The following GRIP1 variants were observed in gnomAD, a reference collection of about 807,000 sequenced individuals.
GRIP1 encodes the protein glutamate receptor-interacting protein 1.
In GRIP1, 45 loss-of-function variants were observed where a neutral mutation model predicts 129.9. That is an observed-to-expected ratio of 0.35 (90% CI 0.27 to 0.44). The LOEUF (loss-of-function observed/expected upper bound fraction) is 0.44. GRIP1 is among the 20% of genes least tolerant of loss of function. GRIP1 has a pLI of 1.00. For synonymous variants in GRIP1, 530 were observed against 520.8 expected (o/e 1.02, Z -0.24); for missense variants, 1,196 against 1,396.8 (o/e 0.86, Z 2.29).
At chr12:66,964,209 AT>A (rs1275962777) in intron 1 of GRIP1, among the ~76,000 whole-genome samples, 1 of 152,096 alleles carries the variant, frequency 6.6e-6, no homozygotes, top group Non-Finnish European at 1.5e-5. Context: ...TTATTCAGCA[AT>A]TTTTTTGTTG....
intron 1 of GRIP1, among the ~76,000 whole-genome samples, chr12:66,907,268 G>A (rs2040949631): frequency 6.6e-6 from 1 of 152,058 alleles, no homozygotes; most frequent in African/African-American, 2.4e-5. Context: ...ACTGGGTCGG[G>A]GAAAATAAAG....
rs529682449 is a variant in GRIP1, at chr12:66,799,104, C to T, written c.-420+4949G>A. 2.2e-4 allele frequency among the ~76,000 whole-genome samples: 34 copies of T among 152,224 alleles called. No homozygotes were observed. The South Asian group carries it at 6.8e-3, about 31-fold the overall frequency. Reference sequence around the variant, plus strand: ...TTGATTAACTTGTTTGTATATGTTACTTTATCTAAAAATATACTCAGGTTG... The same window carrying T: ...TTGATTAACTTGTTTGTATATGTTATTTTATCTAAAAATATACTCAGGTTG... On this transcript the variant is annotated intron_variant, in intron 1 of 4. Transcript: ENST00000538373.
At chr12:66,711,030 G>A (rs1245773106) in intron 1 of GRIP1, among the ~76,000 whole-genome samples, 1 of 151,776 alleles carries the variant, frequency 6.6e-6, no homozygotes, top group Non-Finnish European at 1.5e-5. Flanking sequence ...ACTTCATAGA[G>A]AGTATCTTTT....
chr12:66,404,319 C>T (rs1184804519), intron 16 of GRIP1, among the ~76,000 whole-genome samples: 4 of 152,188 alleles, frequency 2.6e-5, no homozygotes, highest in Non-Finnish European at 5.9e-5. Flanking sequence ...ACCGTGAACT[C>T]TAGATCTAGA....
intron 1 of GRIP1, among the ~76,000 whole-genome samples, chr12:66,981,059 T>C (rs777940602): frequency 1.3e-5 from 2 of 152,226 alleles, no homozygotes; most frequent in South Asian, 2.1e-4. Context: ...TCTATTCCAA[T>C]TGAATTATAG....
intron 2 of GRIP1, among the ~76,000 whole-genome samples, chr12:66,577,439 C>T (rs6581704): frequency 0.88 from 133,438 of 152,236 alleles, 58,620 homozygotes; most frequent in East Asian, 0.96. Context: ...ATGTGATGCA[C>T]GCACATATTT....
chr12:66,628,312 T>A (rs1174137238), intron 1 of GRIP1, among the ~76,000 whole-genome samples: 2 of 152,180 alleles, frequency 1.3e-5, no homozygotes, highest in African/African-American at 2.4e-5. Context: ...TCAATAAAAA[T>A]TCCTTGAGTT....
chr12:66,718,958 A>G (rs1375911750), intron 1 of GRIP1, among the ~76,000 whole-genome samples: 2 of 152,140 alleles, frequency 1.3e-5, no homozygotes, highest in Non-Finnish European at 2.9e-5. Context: ...TTTCTCATAG[A>G]GCACCTTTGA....
chr12:66,366,463 T>C (rs1229548089), intron 23 of GRIP1, among the ~76,000 whole-genome samples: 1 of 152,116 alleles, frequency 6.6e-6, no homozygotes, highest in Admixed American at 6.6e-5. Context: ...GAAAAGGCGA[T>C]GGTAGCAAAA....
intron 7 of GRIP1, among the ~76,000 whole-genome samples, chr12:66,483,778 C>A (rs1340796297): frequency 6.6e-6 from 1 of 152,164 alleles, no homozygotes; most frequent in Admixed American, 6.5e-5. Context: ...ACACCAAGAC[C>A]CAGAAATAGA....
chr12:66,458,536 C>A (rs147601384), intron 9 of GRIP1, among the ~76,000 whole-genome samples: 1 of 152,144 alleles, frequency 6.6e-6, no homozygotes, highest in Non-Finnish European at 1.5e-5. Context: ...AGGTGCCCAC[C>A]ACCACGCCCA....
chr12:67,002,195 C>T, intron 1 of GRIP1, among the ~76,000 whole-genome samples: 1 of 152,170 alleles, frequency 6.6e-6, no homozygotes, highest in Admixed American at 6.6e-5. Flanking sequence ...ATAGATGCAA[C>T]TAATTTTTAT....
chr12:66,510,447 C>A (rs2060664539), intron 7 of GRIP1, among the ~76,000 whole-genome samples: 1 of 152,162 alleles, frequency 6.6e-6, no homozygotes, highest in Non-Finnish European at 1.5e-5. Flanking sequence ...ATCTTCTGCT[C>A]TGACCTGTGT....
chr12:66,398,518 T>G (rs1295363690), intron 16 of GRIP1, among the ~76,000 whole-genome samples: 3 of 152,014 alleles, frequency 2.0e-5, no homozygotes, highest in African/African-American at 2.4e-5. Context: ...CTACTTTTAC[T>G]TTAAAGCTTG....
chr12:66,361,089 T>C (rs549433220), intron 23 of GRIP1, among the ~76,000 whole-genome samples: 6 of 152,352 alleles, frequency 3.9e-5, no homozygotes, highest in African/African-American at 1.4e-4. Flanking sequence ...CCTATGGTGC[T>C]GGAAGAAAAC....
At chr12:66,410,048 A>G (rs2057333144) in intron 15 of GRIP1, among the ~76,000 whole-genome samples, 1 of 150,580 alleles carries the variant, frequency 6.6e-6, no homozygotes, top group Non-Finnish European at 1.5e-5. Context: ...CAGGAGATCG[A>G]GACCATCCCG....
At chr12:66,616,907 A>G (rs1216070849) in intron 1 of GRIP1, among the ~76,000 whole-genome samples, 1 of 152,140 alleles carries the variant, frequency 6.6e-6, no homozygotes, top group Admixed American at 6.5e-5. Context: ...TGCATCTTCC[A>G]GATGTGAACG....
chr12:66,631,677 G>C (rs1318398526), intron 1 of GRIP1, among the ~76,000 whole-genome samples: 1 of 152,060 alleles, frequency 6.6e-6, no homozygotes, highest in Non-Finnish European at 1.5e-5. Context: ...TGTAACAAAG[G>C]GAAAAAGACA....
At chr12:66,761,896 AT>A (rs2037487024) in intron 1 of GRIP1, among the ~76,000 whole-genome samples, 1 of 152,162 alleles carries the variant, frequency 6.6e-6, no homozygotes. Context: ...TTCTGTAGCC[AT>A]GTGGCCTGGG....
Sources: gnomAD v4.1 joint callset for allele counts (sites outside exome capture counted in the v4.1 genomes callset) on GRCh38, gnomAD v4.1.1 for gene constraint, MANE v1.5 for transcripts, NCBI Gene and HGNC (gene_info 2026-07-23, HGNC 2026-07-21) for gene names.